The following CALN1 variants were observed in gnomAD, a reference collection of about 807,000 sequenced individuals.
CALN1 encodes the protein calcium-binding protein 8.
CALN1 carries 17 observed loss-of-function variants against 30.6 expected under a neutral mutation model. The ratio of observed to expected loss-of-function variants is 0.56; its 90% CI spans 0.38 to 0.83. The LOEUF (loss-of-function observed/expected upper bound fraction) is 0.83, where lower values mean the gene tolerates loss of function less well. Among genes scored for constraint, CALN1 ranks in the 40% least tolerant of loss-of-function variants. The pLI, the probability that CALN1 is intolerant of heterozygous loss-of-function variation, is 0.00. For missense variants in CALN1, 291 were observed against 354.9 expected, an observed-to-expected ratio of 0.82 and a Z score of 1.45; for synonymous variants, 156 against 131.4, an observed-to-expected ratio of 1.19 and a Z score of -1.28.
intron 3 of CALN1, among the ~76,000 whole-genome samples, chr7:72,265,436 T>C (rs1461134036): frequency 6.6e-6 from 1 of 152,050 alleles, no homozygotes; most frequent in East Asian, 1.9e-4. Context: ...GGAGAAACAA[T>C]AGTGTCAGTG....
intron 2 of CALN1, among the ~76,000 whole-genome samples, chr7:72,297,750 G>A (rs912565887): frequency 9.2e-5 from 14 of 152,170 alleles, no homozygotes; most frequent in Non-Finnish European, 1.8e-4. Flanking sequence ...CAGTATTTAC[G>A]AAGTCATAAT....
chr7:72,182,836 A>G (rs535990050), intron 3 of CALN1, among the ~76,000 whole-genome samples: 1 of 152,002 alleles, frequency 6.6e-6, no homozygotes, highest in Admixed American at 6.6e-5. Flanking sequence ...GTAAAGGCAC[A>G]AAGTTGTGAC....
At chr7:71,971,819 G>A (rs961410003) in intron 5 of CALN1, among the ~76,000 whole-genome samples, 1 of 150,292 alleles carries the variant, frequency 6.7e-6, no homozygotes, top group African/African-American at 2.5e-5. Flanking sequence ...GATCACCAGA[G>A]CCTGGGAGGC....
chr7:72,043,061 A>T (rs1384562794), intron 4 of CALN1, among the ~76,000 whole-genome samples: 1 of 152,244 alleles, frequency 6.6e-6, no homozygotes, highest in African/African-American at 2.4e-5. Flanking sequence ...CTCGTGGTTC[A>T]GAGGCCCTAA....
rs150462866 is a variant in CALN1, at chr7:71,815,362, G to C, written c.502-4870C>G. Reference sequence around the variant, plus strand: ...ACAAGCTTTGGCCAATCAACTGAGAGCCAAAGTGATAGAAGTATGAAAGTC... The same window carrying C: ...ACAAGCTTTGGCCAATCAACTGAGACCCAAAGTGATAGAAGTATGAAAGTC... On this transcript the variant is annotated intron_variant, in intron 5 of 6. Coordinates refer to ENST00000395275, the MANE Select transcript of CALN1 (RefSeq NM_031468.4). Among the ~76,000 whole-genome samples, 164 of 152,268 alleles carry C rather than the reference G, an allele frequency of 1.1e-3. 2 individuals carry two copies. In the Middle Eastern group the frequency reaches 0.014, roughly 13 times the overall value.
intron 3 of CALN1, among the ~76,000 whole-genome samples, chr7:72,234,751 G>C (rs1794363070): frequency 6.6e-6 from 1 of 151,946 alleles, no homozygotes; most frequent in South Asian, 2.1e-4. Context: ...CGGACATGAA[G>C]TCCACTTGTC....
chr7:72,066,282 T>C (rs1182894315), intron 4 of CALN1, among the ~76,000 whole-genome samples: 3 of 152,176 alleles, frequency 2.0e-5, no homozygotes, highest in Admixed American at 6.5e-5. Flanking sequence ...CACAATAAAG[T>C]GGGGGACAGA....
At chr7:71,923,412 C>A (rs1175463984) in intron 5 of CALN1, among the ~76,000 whole-genome samples, 1 of 152,134 alleles carries the variant, frequency 6.6e-6, no homozygotes, top group East Asian at 1.9e-4. Context: ...AATGGTGGCT[C>A]CCCTATGCAC....
At chr7:72,329,745 G>A (rs1801533751) in intron 2 of CALN1, among the ~76,000 whole-genome samples, 1 of 151,692 alleles carries the variant, frequency 6.6e-6, no homozygotes, top group Non-Finnish European at 1.5e-5. Context: ...CCTGAGGTCA[G>A]GAGTTCGAGA....
chr7:72,098,764 G>GCGCACGCGCACACA (rs1414936509), intron 4 of CALN1, among the ~76,000 whole-genome samples: 109 of 142,826 alleles, frequency 7.6e-4, no homozygotes, highest in African/African-American at 2.8e-3. Context: ...CATTTGGCGC[G>GCGCACGCGCACACA]CACACACACA....
intron 5 of CALN1, among the ~76,000 whole-genome samples, chr7:71,820,918 A>T (rs930118791): frequency 6.6e-6 from 1 of 152,226 alleles, no homozygotes; most frequent in Non-Finnish European, 1.5e-5. Flanking sequence ...CGAGAGGTTG[A>T]TAAGACTTGA....
At chr7:71,843,683 A>G (rs6460691) in intron 5 of CALN1, among the ~76,000 whole-genome samples, 11,595 of 152,044 alleles carry the variant, frequency 0.076, 1,420 homozygotes, top group African/African-American at 0.26. Context: ...GGCAAAGATA[A>G]CCCTCAGTTT....
rs368268782 is a variant in CALN1, at chr7:71,784,591, C to A, written c.*3184G>T. 51 of 380,652 alleles carry A rather than the reference C, an allele frequency of 1.3e-4. No individual in the cohort carries two copies. In the East Asian group the frequency reaches 1.7e-3, roughly 13 times the overall value. 23.6% of individuals were successfully genotyped at this position (380,652 alleles called of 1,614,324 possible). A position where few individuals can be genotyped will look rare whatever the true frequency, so the allele number is the denominator to read the frequency against. On this transcript the variant is annotated 3_prime_UTR_variant, in exon 7 of 7. Coordinates refer to ENST00000395275, the MANE Select transcript of CALN1 (RefSeq NM_031468.4). ...AGGGGGTCAGGGTCCATTTCCCCTT[C>A]TCTCCCAAGGAAAATGCCTTCTTGC... is the stretch of plus-strand genomic sequence containing the variant.
intron 5 of CALN1, among the ~76,000 whole-genome samples, chr7:71,974,192 T>C (rs1431258805): frequency 1.3e-5 from 2 of 151,946 alleles, no homozygotes; most frequent in African/African-American, 4.8e-5. Flanking sequence ...CCGAGGCAGG[T>C]GGATCACCTG....
chr7:72,261,143 C>T lies in CALN1; in HGVS notation c.244+17543G>A, dbSNP rs543936766. On this transcript the variant is annotated intron_variant, in intron 3 of 6. Coordinates refer to ENST00000395275, the MANE Select transcript of CALN1 (RefSeq NM_031468.4). Reference sequence around the variant, plus strand: ...GCCAACATAGTGAAACCCATCTCTACAAAAAATTACAAAAATTCGCCAGGT... The same window carrying T: ...GCCAACATAGTGAAACCCATCTCTATAAAAAATTACAAAAATTCGCCAGGT... Among the ~76,000 whole-genome samples the T allele has an allele frequency of 2.5e-4, 38 of 152,172 alleles. No homozygotes were observed. The South Asian group carries it at 6.9e-3, about 27-fold the overall frequency.
intron 4 of CALN1, among the ~76,000 whole-genome samples, chr7:72,031,420 G>A (rs1348155998): frequency 2.0e-5 from 3 of 150,288 alleles, no homozygotes; most frequent in African/African-American, 7.6e-5. Context: ...GTATTCCCTT[G>A]TTGAATTCCA....
intron 3 of CALN1, among the ~76,000 whole-genome samples, chr7:72,240,509 A>G (rs745678977): frequency 5.9e-5 from 9 of 152,138 alleles, no homozygotes; most frequent in African/African-American, 4.8e-5. Flanking sequence ...TTTGCTGAAT[A>G]GCTTCCAAAG....
At chr7:72,016,918 CAAG>C (rs200791399) in intron 5 of CALN1, among the ~76,000 whole-genome samples, 8,295 of 147,558 alleles carry the variant, frequency 0.056, 260 homozygotes, top group Non-Finnish European at 0.074. Flanking sequence ...TTTGGGAGGC[CAAG>C]GTGAGTGGAT....
At chr7:72,022,995 G>A (rs1800796390) in intron 5 of CALN1, among the ~76,000 whole-genome samples, 1 of 150,806 alleles carries the variant, frequency 6.6e-6, no homozygotes, top group Non-Finnish European at 1.5e-5. Flanking sequence ...GTGTCTAACT[G>A]GTAATTTAAT....
Sources: gnomAD v4.1 joint callset for allele counts (sites outside exome capture counted in the v4.1 genomes callset) on GRCh38, gnomAD v4.1.1 for gene constraint, MANE v1.5 for transcripts, NCBI Gene and HGNC (gene_info 2026-07-23, HGNC 2026-07-21) for gene names.